The following MPDZ variants were observed in gnomAD, a reference collection of about 807,000 sequenced individuals.
MPDZ encodes multiple PDZ domain crumbs cell polarity complex component.
MPDZ carries 234 observed loss-of-function variants against 239.1 expected under a neutral mutation model. The ratio of observed to expected loss-of-function variants is 0.98; its 90% confidence interval spans 0.88 to 1.09. MPDZ has a LOEUF of 1.09. Among genes scored for constraint, MPDZ ranks in the 50% least tolerant of loss-of-function variants. The pLI is 0.00. For synonymous variants in MPDZ, 1,048 were observed against 881.3 expected (o/e 1.19, Z -3.35); for missense variants, 3,175 against 2,510.0 (o/e 1.26, Z -5.66).
intron 1 of MPDZ, among the ~76,000 whole-genome samples, chr9:13,263,104 C>T (rs1318473475): frequency 6.6e-6 from 1 of 151,804 alleles, no homozygotes; most frequent in Non-Finnish European, 1.5e-5. Context: ...AATATTTATG[C>T]ATAAAATGAT....
chr9:13,263,443 T>C (rs755355313), intron 1 of MPDZ, among the ~76,000 whole-genome samples: 6 of 152,020 alleles, frequency 3.9e-5, no homozygotes, highest in Non-Finnish European at 8.8e-5. Flanking sequence ...ACTAACTTAT[T>C]CGGGAAAAAA....
chr9:13,274,113 T>C (rs1973625475), intron 1 of MPDZ, among the ~76,000 whole-genome samples: 3 of 152,216 alleles, frequency 2.0e-5, no homozygotes, highest in Admixed American at 2.0e-4. Flanking sequence ...GTGATCTAAT[T>C]ACAGGCAAGC....
chr9:13,217,673 G>C (rs1050285922), intron 8 of MPDZ, among the ~76,000 whole-genome samples: 1 of 151,846 alleles, frequency 6.6e-6, no homozygotes, highest in African/African-American at 2.4e-5. Flanking sequence ...TATGAATTCA[G>C]ATCAACAAGT....
intron 1 of MPDZ, among the ~76,000 whole-genome samples, chr9:13,272,029 C>A (rs564560599): frequency 6.6e-6 from 1 of 152,230 alleles, no homozygotes; most frequent in South Asian, 2.1e-4. Flanking sequence ...CATGAGGAAA[C>A]TTTCGGGGGT....
chr9:13,118,262 C>T (rs1943803592), intron 39 of MPDZ, among the ~76,000 whole-genome samples: 1 of 152,056 alleles, frequency 6.6e-6, no homozygotes, highest in South Asian at 2.1e-4. Context: ...TTTAATGTGT[C>T]TCCAAAAAGA....
intron 15 of MPDZ, 82 bp from the exon 16 acceptor site, chr9:13,190,381 C>A: frequency 8.3e-7 from 1 of 1,200,954 alleles, no homozygotes; most frequent in Non-Finnish European, 1.1e-6. Context: ...AAGGGATATT[C>A]CCAGCATCTG....
intron 19 of MPDZ, among the ~76,000 whole-genome samples, chr9:13,182,665 T>C (rs561270549): frequency 6.6e-6 from 1 of 151,866 alleles, no homozygotes; most frequent in Non-Finnish European, 1.5e-5. Context: ...GCCAATATTA[T>C]GAAAAAAACA....
chr9:13,183,897 T>C (rs1238916465), intron 18 of MPDZ, among the ~76,000 whole-genome samples: 1 of 152,072 alleles, frequency 6.6e-6, no homozygotes, highest in Non-Finnish European at 1.5e-5. Flanking sequence ...ATTTACTTTC[T>C]TACAGTTCCC....
chr9:13,179,991 TA>T (rs1306778303), intron 19 of MPDZ, among the ~76,000 whole-genome samples: 1 of 152,110 alleles, frequency 6.6e-6, no homozygotes, highest in Non-Finnish European at 1.5e-5. Context: ...CTTTCTGAGA[TA>T]AGGTACACTT....
At chr9:13,163,685 T>C (rs1042510587) in intron 22 of MPDZ, among the ~76,000 whole-genome samples, 3 of 152,132 alleles carry the variant, frequency 2.0e-5, no homozygotes, top group African/African-American at 7.2e-5. Context: ...AGCATGTTTG[T>C]GCAACTAAAA....
chr9:13,143,775 C>A (rs1376591659), intron 26 of MPDZ, among the ~76,000 whole-genome samples: 1 of 152,102 alleles, frequency 6.6e-6, no homozygotes, highest in Non-Finnish European at 1.5e-5. Context: ...AATCAGGCCA[C>A]AAACCACAAA....
At chr9:13,242,431 G>A (rs998629234) in intron 3 of MPDZ, among the ~76,000 whole-genome samples, 2 of 151,626 alleles carry the variant, frequency 1.3e-5, no homozygotes, top group Admixed American at 6.6e-5. Flanking sequence ...GTTTCACCAC[G>A]TTGACCATGC....
chr9:13,273,461 TAA>T (rs1216130905), intron 1 of MPDZ, among the ~76,000 whole-genome samples: 5 of 152,190 alleles, frequency 3.3e-5, no homozygotes, highest in African/African-American at 9.6e-5. Context: ...GTACACAATA[TAA>T]AGTTACTGTG....
intron 1 of MPDZ, among the ~76,000 whole-genome samples, chr9:13,264,833 G>A (rs985249303): frequency 2.0e-5 from 3 of 152,118 alleles, no homozygotes; most frequent in Non-Finnish European, 4.4e-5. Flanking sequence ...TGACTGAGGG[G>A]AAAGATTTAA....
intron 19 of MPDZ, among the ~76,000 whole-genome samples, chr9:13,178,796 A>G (rs946342487): frequency 2.0e-5 from 3 of 152,170 alleles, no homozygotes; most frequent in African/African-American, 4.8e-5. Context: ...TAGTTTGTAC[A>G]GGTAATATTT....
chr9:13,135,210 G>C (rs1333251918), intron 31 of MPDZ: 1 of 152,136 alleles, frequency 6.6e-6, no homozygotes, highest in African/African-American at 2.4e-5. Flanking sequence ...ATGTCACTAA[G>C]TCAGATATCT....
intron 39 of MPDZ, among the ~76,000 whole-genome samples, chr9:13,119,180 C>T (rs966757534): frequency 1.3e-5 from 2 of 152,154 alleles, no homozygotes; most frequent in African/African-American, 2.4e-5. Context: ...TGACCCCAGA[C>T]TCATGCGATC....
intron 22 of MPDZ, 125 bp from the exon 23 acceptor site, chr9:13,162,920 A>C: frequency 1.6e-6 from 1 of 623,610 alleles, no homozygotes; most frequent in Non-Finnish European, 2.8e-6. Flanking sequence ...CATACAACTC[A>C]TTTAATCAGT....
At chr9:13,270,793 T>C (rs10809926) in intron 1 of MPDZ, among the ~76,000 whole-genome samples, 122,559 of 152,032 alleles carry the variant, frequency 0.81, 49,873 homozygotes, top group East Asian at 1. Context: ...TCTCCAACTC[T>C]TGGGGTGTTT....
Sources: gnomAD v4.1 joint callset for allele counts (sites outside exome capture counted in the v4.1 genomes callset) on GRCh38, gnomAD v4.1.1 for gene constraint, MANE v1.5 for transcripts, NCBI Gene and HGNC (gene_info 2026-07-23, HGNC 2026-07-21) for gene names.